NR6A1: variants seen among roughly 807,000 people sequenced by gnomAD.
NR6A1 encodes retinoic acid receptor-related testis-associated receptor.
NR6A1 carries 7 observed loss-of-function variants against 59.1 expected under a neutral mutation model. The ratio of observed to expected loss-of-function variants is 0.12; its 90% CI spans 0.07 to 0.22. NR6A1 has a LOEUF of 0.22. NR6A1 is among the 10% of genes least tolerant of loss of function. NR6A1 has a pLI of 1.00. For missense variants in NR6A1, 468 were observed against 611.6 expected, an observed-to-expected ratio of 0.77 and a Z score of 2.48; for synonymous variants, 243 against 236.1, an observed-to-expected ratio of 1.03 and a Z score of -0.27.
intron 3 of NR6A1, among the ~76,000 whole-genome samples, chr9:124,548,704 C>T (rs1239024819): frequency 6.6e-6 from 1 of 152,194 alleles, no homozygotes; most frequent in Non-Finnish European, 1.5e-5. Flanking sequence ...ATCACTGCCT[C>T]ACAATGCCAT....
intron 3 of NR6A1, among the ~76,000 whole-genome samples, chr9:124,546,016 G>A (rs951350281): frequency 2.6e-5 from 4 of 152,216 alleles, no homozygotes; most frequent in Non-Finnish European, 5.9e-5. Flanking sequence ...TCGGGAGGCT[G>A]AGGCAGGAGA....
chr9:124,644,850 C>T (rs1335380190), intron 2 of NR6A1, among the ~76,000 whole-genome samples: 1 of 152,180 alleles, frequency 6.6e-6, no homozygotes, highest in Non-Finnish European at 1.5e-5. Flanking sequence ...TGACCTGAGG[C>T]ATCTACATAC....
chr9:124,550,013 G>T (rs538535394), intron 3 of NR6A1, among the ~76,000 whole-genome samples: 2 of 152,168 alleles, frequency 1.3e-5, no homozygotes, highest in South Asian at 2.1e-4. Context: ...TTTCAAATGG[G>T]TATTTTGTCA....
intron 1 of NR6A1, among the ~76,000 whole-genome samples, chr9:124,748,768 G>C (rs1840409619): frequency 6.6e-6 from 1 of 151,984 alleles, no homozygotes. Context: ...GGGAGGCTGA[G>C]GCAGGAGAAT....
At position 124,746,130 on chromosome 9, in the gene NR6A1, C is replaced by T. The variant is rs532015946; in HGVS notation, c.101-12781G>A. On this transcript the variant is annotated intron_variant, in intron 1 of 9. Transcript: ENST00000487099. ...TTACTATCTTATTAGAAACACAATTCTGGGCACTAATCTTTCTTACATACT... is the reference window on the plus strand; with the variant it reads ...TTACTATCTTATTAGAAACACAATTTTGGGCACTAATCTTTCTTACATACT... Among the ~76,000 whole-genome samples, 46 of 152,044 alleles carry T rather than the reference C, an allele frequency of 3.0e-4. No homozygotes were observed. In the East Asian group the frequency reaches 8.5e-3, roughly 28 times the overall value.
At chr9:124,599,004 T>C in intron 2 of NR6A1, 2 of 739,340 alleles carry the variant, frequency 2.7e-6, no homozygotes, top group Admixed American at 1.8e-5. Context: ...TTGGCACAAA[T>C]CTTCAGGGTC....
chr9:124,660,620 C>T (rs535736565), intron 2 of NR6A1, among the ~76,000 whole-genome samples: 1 of 131,250 alleles, frequency 7.6e-6, no homozygotes, highest in Non-Finnish European at 1.5e-5. Context: ...ATTACAGGCT[C>T]GATGCACTCC....
chr9:124,714,995 C>T (rs1839372963), intron 2 of NR6A1, among the ~76,000 whole-genome samples: 2 of 151,912 alleles, frequency 1.3e-5, no homozygotes, highest in Admixed American at 1.3e-4. Context: ...GTCAAGAGAT[C>T]GACACCATCC....
chr9:124,710,611 A>G (rs1319138874), intron 2 of NR6A1, among the ~76,000 whole-genome samples: 3 of 152,226 alleles, frequency 2.0e-5, no homozygotes, highest in Admixed American at 1.3e-4. Flanking sequence ...ACATTCATCC[A>G]TCTTATGAGT....
intron 2 of NR6A1, among the ~76,000 whole-genome samples, chr9:124,713,340 TG>T (rs1302574984): frequency 1.3e-5 from 2 of 150,812 alleles, no homozygotes; most frequent in Non-Finnish European, 2.9e-5. Context: ...ACAATGGGTT[TG>T]GCAATGGTTT....
intron 2 of NR6A1, among the ~76,000 whole-genome samples, chr9:124,647,525 C>G (rs1336336651): frequency 6.6e-6 from 1 of 151,750 alleles, no homozygotes; most frequent in South Asian, 2.1e-4. Context: ...GTCAGGAGTT[C>G]GAGACCAGCC....
chr9:124,694,845 G>A (rs923653652), intron 2 of NR6A1, among the ~76,000 whole-genome samples: 4 of 152,178 alleles, frequency 2.6e-5, no homozygotes, highest in Non-Finnish European at 5.9e-5. Flanking sequence ...ATGGGGTAAT[G>A]AGACAAGAAC....
intron 1 of NR6A1, among the ~76,000 whole-genome samples, chr9:124,765,656 G>A (rs1840912323): frequency 6.6e-6 from 1 of 152,168 alleles, no homozygotes; most frequent in African/African-American, 2.4e-5. Flanking sequence ...GCAGCCGGCT[G>A]AGGAAATCCT....
chr9:124,692,692 TTG>T (rs1838596882), intron 2 of NR6A1: 1 of 249,406 alleles, frequency 4.0e-6, no homozygotes, highest in Admixed American at 4.7e-5. Context: ...TTGCTTTCTG[TTG>T]TGTGTTTTAT....
intron 1 of NR6A1, among the ~76,000 whole-genome samples, chr9:124,758,338 T>G (rs1466943660): frequency 6.6e-6 from 1 of 152,224 alleles, no homozygotes; most frequent in East Asian, 1.9e-4. Flanking sequence ...TTAAGGAAGT[T>G]TCCCTTCTGT....
chr9:124,615,809 T>C (rs936738927), intron 2 of NR6A1, among the ~76,000 whole-genome samples: 8 of 152,132 alleles, frequency 5.3e-5, no homozygotes, highest in Admixed American at 1.3e-4. Context: ...CACTTAGTAC[T>C]TGTACAATCT....
chr9:124,741,656 G>A (rs1279329168), intron 1 of NR6A1, among the ~76,000 whole-genome samples: 1 of 152,162 alleles, frequency 6.6e-6, no homozygotes, highest in Admixed American at 6.5e-5. Flanking sequence ...GAAGAAAAAA[G>A]TTGAAACAAT....
chr9:124,711,213 A>AAC (rs1203453576), intron 2 of NR6A1, among the ~76,000 whole-genome samples: 22 of 150,372 alleles, frequency 1.5e-4, no homozygotes, highest in African/African-American at 4.9e-4. Context: ...AAAAAAAAAA[A>AAC]AAGCTGGCAT....
chr9:124,543,691 A>C, intron 4 of NR6A1, 111 bp downstream of exon 4: 1 of 730,738 alleles, frequency 1.4e-6, no homozygotes, highest in East Asian at 2.9e-5. Flanking sequence ...AAATGAAAGC[A>C]AAGATGGCTC....
Sources: gnomAD v4.1 joint callset for allele counts (sites outside exome capture counted in the v4.1 genomes callset) on GRCh38, gnomAD v4.1.1 for gene constraint, MANE v1.5 for transcripts, NCBI Gene and HGNC (gene_info 2026-07-23, HGNC 2026-07-21) for gene names.